INPP4B: variants seen among roughly 807,000 people sequenced by gnomAD.
The protein encoded by INPP4B is inositol polyphosphate 4-phosphatase type II.
Under a neutral mutation model 122.5 loss-of-function variants are expected in INPP4B, and 55 were observed. That is an observed-to-expected ratio of 0.45 (90% CI 0.36 to 0.56). The LOEUF is 0.56. INPP4B is among the 20% of genes least tolerant of loss of function. The pLI is 0.00. For synonymous variants in INPP4B, 403 were observed against 388.7 expected, an observed-to-expected ratio of 1.04 and a Z score of -0.43; for missense variants, 1,000 against 1,097.7, an observed-to-expected ratio of 0.91 and a Z score of 1.26.
At chr4:142,631,315 G>A (rs886067726) in intron 2 of INPP4B, among the ~76,000 whole-genome samples, 8 of 151,926 alleles carry the variant, frequency 5.3e-5, no homozygotes, top group African/African-American at 1.9e-4. Context: ...TCAATAGATG[G>A]GTTTAAAAGC....
chr4:142,602,020 C>T (rs886403816), intron 2 of INPP4B, among the ~76,000 whole-genome samples: 11 of 148,574 alleles, frequency 7.4e-5, no homozygotes, highest in Admixed American at 3.4e-4. Context: ...TAATAAAGAT[C>T]GGAGAAGAAC....
intron 1 of INPP4B, among the ~76,000 whole-genome samples, chr4:142,731,058 G>A (rs1766012095): frequency 6.6e-6 from 1 of 151,992 alleles, no homozygotes; most frequent in Non-Finnish European, 1.5e-5. Flanking sequence ...CTGGTTTGCT[G>A]CACCTATCAA....
intron 24 of INPP4B, among the ~76,000 whole-genome samples, chr4:142,084,413 C>T (rs1578845811): frequency 6.6e-6 from 1 of 152,244 alleles, no homozygotes; most frequent in East Asian, 1.9e-4. Flanking sequence ...GCCACCACGC[C>T]TGGCCACTTT....
At chr4:142,244,490 A>G (rs1726860084) in intron 11 of INPP4B, among the ~76,000 whole-genome samples, 1 of 151,562 alleles carries the variant, frequency 6.6e-6, no homozygotes, top group Non-Finnish European at 1.5e-5. Context: ...TTTTTAGTAG[A>G]GGCAGGGTTT....
chr4:142,184,236 G>A (rs1000708586), intron 15 of INPP4B, among the ~76,000 whole-genome samples: 1 of 152,172 alleles, frequency 6.6e-6, no homozygotes, highest in African/African-American at 2.4e-5. Context: ...AGGTGTTAAA[G>A]TCACTATTGC....
Position 142,075,457 on chromosome 4 carries a change from G to A in INPP4B, c.2642+6574C>T, listed in dbSNP as rs1770109134. Among the ~76,000 whole-genome samples, 3 of 151,952 alleles carry A rather than the reference G, an allele frequency of 2.0e-5. No individual in the cohort carries two copies. In the South Asian group the frequency reaches 6.2e-4, roughly 32 times the overall value. The stretch of plus-strand genomic sequence containing the variant: ...CTAGATTCCCCGATGCTATAGCTAG[G>A]GCTCTAGCAAGATTTCCAAACCCTG... On this transcript the variant is annotated intron_variant, in intron 25 of 25. Transcript: ENST00000262992.
In INPP4B at chr4:142,725,903, T is replaced by C. The variant is rs937928645; in HGVS notation, c.-253-2A>G. ...CAGGTAACACCATTTCTTTGTATTCTACGGGAAAAGAGAAAGAAGATTAAT... is the reference window on the plus strand; with the variant it reads ...CAGGTAACACCATTTCTTTGTATTCCACGGGAAAAGAGAAAGAAGATTAAT... On this transcript the variant is annotated splice_acceptor_variant, in intron 1 of 25. Transcript: ENST00000262992. LOFTEE classifies it low-confidence loss of function (5UTR_SPLICE). The C allele has an allele frequency of 7.5e-6, 3 of 398,022 alleles. No individual in the cohort carries two copies. The highest frequency in any genetic ancestry group is 1.3e-5 in the Non-Finnish European group (3 of 225,674). 24.7% of individuals were successfully genotyped at this position (398,022 alleles called of 1,614,324 possible). A position where few individuals can be genotyped will look rare whatever the true frequency, so the allele number is the denominator to read the frequency against.
chr4:142,732,557 T>TA (rs1391650577), intron 1 of INPP4B, among the ~76,000 whole-genome samples: 5 of 151,746 alleles, frequency 3.3e-5, no homozygotes, highest in Admixed American at 3.3e-4. Flanking sequence ...AATGAACAAA[T>TA]AAAAAATAAG....
At chr4:142,453,997 G>T (rs1289747829) in intron 3 of INPP4B, among the ~76,000 whole-genome samples, 1 of 152,024 alleles carries the variant, frequency 6.6e-6, no homozygotes, top group Non-Finnish European at 1.5e-5. Flanking sequence ...TCTCTGTGAT[G>T]AACTGGGGTA....
rs1360253458 is a variant in INPP4B at position 142,185,390 on chromosome 4, G to GTT, written c.1181+7696_1181+7697insAA. On this transcript the variant is annotated intron_variant, in intron 15 of 25. Coordinates refer to ENST00000262992, the MANE Select transcript of INPP4B (RefSeq NM_001101669.3). ...TATATTTATAAATATATATGTGTAT[G>GTT]TGTGTGTGTATATATATATATATAT... 2.4e-4 allele frequency among the ~76,000 whole-genome samples: 34 copies of GTT among 139,314 alleles called. 1 individual carries two copies. In the East Asian group the frequency reaches 5.2e-3, roughly 21 times the overall value. The allele number at this position is 139,314 out of a possible 152,430, so 91.4% of individuals were successfully genotyped here.
intron 23 of INPP4B, among the ~76,000 whole-genome samples, chr4:142,086,670 T>A (rs1183142035): frequency 1.3e-5 from 2 of 152,208 alleles, no homozygotes; most frequent in African/African-American, 4.8e-5. Flanking sequence ...CACAATTTTA[T>A]AACAAGAAAT....
intron 2 of INPP4B, among the ~76,000 whole-genome samples, chr4:142,525,276 G>A (rs1580284214): frequency 6.6e-6 from 1 of 151,530 alleles, no homozygotes; most frequent in South Asian, 2.1e-4. Context: ...ATGCTCATGG[G>A]TAGGAAGAAT....
intron 14 of INPP4B, among the ~76,000 whole-genome samples, chr4:142,198,286 T>C (rs1021288647): frequency 2.6e-5 from 4 of 152,058 alleles, no homozygotes; most frequent in Non-Finnish European, 5.9e-5. Context: ...AGAAAATTTC[T>C]GTATTAGAAT....
At chr4:142,309,744 C>T (rs1181467208) in intron 8 of INPP4B, among the ~76,000 whole-genome samples, 2 of 152,214 alleles carry the variant, frequency 1.3e-5, no homozygotes, top group Non-Finnish European at 2.9e-5. Flanking sequence ...GACAACTCAA[C>T]ACTCAGTTAT....
chr4:142,065,292 G>T (rs1410211368), intron 25 of INPP4B, among the ~76,000 whole-genome samples: 2 of 151,650 alleles, frequency 1.3e-5, no homozygotes, highest in Non-Finnish European at 2.9e-5. Context: ...ATTAAAGAAT[G>T]CTATACATCT....
chr4:142,062,587 T>G (rs577454049), intron 25 of INPP4B, among the ~76,000 whole-genome samples: 1 of 151,922 alleles, frequency 6.6e-6, no homozygotes, highest in African/African-American at 2.4e-5. Context: ...AATACAAAAA[T>G]TAGCTGGGCA....
intron 1 of INPP4B, among the ~76,000 whole-genome samples, chr4:142,806,756 A>C (rs1778789908): frequency 7.5e-6 from 1 of 134,228 alleles, no homozygotes; most frequent in Non-Finnish European, 1.6e-5. Flanking sequence ...AAAAAGAAGA[A>C]GAAGAAAGAA....
At chr4:142,038,067 A>G (rs947407469) in intron 25 of INPP4B, among the ~76,000 whole-genome samples, 1 of 152,196 alleles carries the variant, frequency 6.6e-6, no homozygotes, top group African/African-American at 2.4e-5. Flanking sequence ...TTTTCAGTTT[A>G]GATCAATGTC....
intron 1 of INPP4B, among the ~76,000 whole-genome samples, chr4:142,750,366 T>C (rs77270603): frequency 0.029 from 4,376 of 152,124 alleles, 78 homozygotes; most frequent in Non-Finnish European, 0.041. Flanking sequence ...ACCATTATAA[T>C]TGAAAGTAAT....
Sources: gnomAD v4.1 joint callset for allele counts (sites outside exome capture counted in the v4.1 genomes callset) on GRCh38, gnomAD v4.1.1 for gene constraint, MANE v1.5 for transcripts, NCBI Gene and HGNC (gene_info 2026-07-23, HGNC 2026-07-21) for gene names.